Variants in CLDN16 observed in about 807,000 individuals in gnomAD.
The protein encoded by CLDN16 is claudin-16.
A neutral mutation model predicts 24.6 loss-of-function variants in CLDN16; 13 were observed. That is an observed-to-expected ratio of 0.53 (90% CI 0.34 to 0.84). The LOEUF is 0.84. CLDN16 is among the 40% of genes least tolerant of loss of function. The pLI, the probability that CLDN16 is intolerant of heterozygous loss-of-function variation, is 0.01. For missense variants in CLDN16, 298 were observed against 292.7 expected (o/e 1.02, Z -0.13); for synonymous variants, 116 against 106.7 (o/e 1.09, Z -0.54).
At position 190,410,693 on chromosome 3, in the gene CLDN16, C is replaced by A. The variant is rs987846768; in HGVS notation, c.*657C>A. The A allele has an allele frequency of 6.6e-6, 1 of 152,418 alleles. No individual in the cohort carries two copies. Among genetic ancestry groups the A allele is most frequent in the Non-Finnish European group, 1.5e-5 (1 of 68,316 alleles). 9.4% of individuals were successfully genotyped at this position (152,418 alleles called of 1,614,324 possible). ...GAGCTCGTGGTGACTTTCTACCTCA[C>A]TAACAACATAAGGGATCTCCATATT... On this transcript the variant is annotated 3_prime_UTR_variant, in exon 5 of 5. Transcript: ENST00000264734.
At chr3:190,402,076 A>C (rs542542114) in intron 1 of CLDN16, among the ~76,000 whole-genome samples, 3 of 152,114 alleles carry the variant, frequency 2.0e-5, no homozygotes, top group Non-Finnish European at 2.9e-5. Flanking sequence ...CTCTGGTTTT[A>C]TCTCTTCCAG....
chr3:190,380,583 T>A (rs930740598), intron 3 of CLDN16, among the ~76,000 whole-genome samples: 3 of 152,004 alleles, frequency 2.0e-5, no homozygotes. Context: ...CTAATTAAAC[T>A]AAAGGGCTTT....
At chr3:190,379,975 G>GTCTATTTATCTA (rs1553806905) in intron 3 of CLDN16, among the ~76,000 whole-genome samples, 27 of 149,104 alleles carry the variant, frequency 1.8e-4, no homozygotes, top group Admixed American at 7.4e-4. Flanking sequence ...TATCAACTCT[G>GTCTATTTATCTA]TCTATCTATC....
At chr3:190,324,883 T>C (rs1288027510) in intron 1 of CLDN16, among the ~76,000 whole-genome samples, 1 of 152,204 alleles carries the variant, frequency 6.6e-6, no homozygotes, top group Admixed American at 6.5e-5. Context: ...GCCTTTCATA[T>C]CTGAAACATA....
At chr3:190,324,690 T>C (rs1431682247) in intron 1 of CLDN16, among the ~76,000 whole-genome samples, 1 of 152,142 alleles carries the variant, frequency 6.6e-6, no homozygotes, top group African/African-American at 2.4e-5. Context: ...ATTACTTCAC[T>C]ACCCACAACC....
intron 1 of CLDN16, among the ~76,000 whole-genome samples, chr3:190,399,427 G>T (rs906540319): frequency 6.6e-6 from 1 of 152,068 alleles, no homozygotes; most frequent in Non-Finnish European, 1.5e-5. Flanking sequence ...CAGGAGAATC[G>T]CTTGAACCCA....
the CLDN16 span, among the ~76,000 whole-genome samples, chr3:190,299,685 T>C: frequency 2.0e-5 from 3 of 152,226 alleles, no homozygotes; most frequent in African/African-American, 7.2e-5. Flanking sequence ...GCATCCCTCA[T>C]TTCTCTGTTG....
At chr3:190,353,126 T>C (rs1196333107) in intron 1 of CLDN16, among the ~76,000 whole-genome samples, 1 of 152,074 alleles carries the variant, frequency 6.6e-6, no homozygotes, top group African/African-American at 2.4e-5. Context: ...ATCATGAGCA[T>C]TAATACAAAG....
chr3:190,331,695 T>C (rs1354565940), intron 1 of CLDN16, among the ~76,000 whole-genome samples: 5 of 152,214 alleles, frequency 3.3e-5, no homozygotes, highest in Non-Finnish European at 7.3e-5. Flanking sequence ...TTGAAATTTT[T>C]AAAATATCTC....
the CLDN16 span, among the ~76,000 whole-genome samples, chr3:190,303,754 A>G: frequency 2.0e-5 from 3 of 152,220 alleles, no homozygotes; most frequent in African/African-American, 7.2e-5. Flanking sequence ...AACAGTATTT[A>G]CTTTGTATTA....
chr3:190,312,520 C>A, the CLDN16 span, among the ~76,000 whole-genome samples: 2 of 152,218 alleles, frequency 1.3e-5, no homozygotes, highest in African/African-American at 4.8e-5. Context: ...TCTCACTACT[C>A]CCCATCTTTT....
the CLDN16 span, among the ~76,000 whole-genome samples, chr3:190,300,172 G>A: frequency 1.3e-5 from 2 of 151,256 alleles, no homozygotes; most frequent in Non-Finnish European, 2.9e-5. Context: ...CGTGGGGGCG[G>A]GCAGTTTGCT....
Position 190,362,010 on chromosome 3 carries a change from AGTCTAACCTG to A in CLDN16, n.122-8852_122-8843del, listed in dbSNP as rs144847568. Among the ~76,000 whole-genome samples, 112 of 149,956 alleles carry A rather than the reference AGTCTAACCTG, an allele frequency of 7.5e-4. 1 individual carries two copies. Among genetic ancestry groups the A allele is most frequent in the South Asian group, 2.1e-3 (10 of 4,668 alleles). On this transcript the variant is annotated intron_variant and non_coding_transcript_variant, in intron 1 of 4. Transcript: ENST00000468220. Reference sequence around the variant, plus strand: ...TACAAATGGCACACCTGGTCTAACCAGTCTAACCTGGTCTAACCTGGTCTAACCTGGTCTA... The same window carrying A: ...TACAAATGGCACACCTGGTCTAACCAGTCTAACCTGGTCTAACCTGGTCTA...
intron 1 of CLDN16, among the ~76,000 whole-genome samples, chr3:190,357,996 G>A (rs1411877039): frequency 1.3e-5 from 2 of 151,802 alleles, no homozygotes; most frequent in East Asian, 3.9e-4. Context: ...ATGGGAACTA[G>A]CACAGAGGTC....
At chr3:190,343,089 T>C (rs1717473562) in intron 1 of CLDN16, among the ~76,000 whole-genome samples, 1 of 152,142 alleles carries the variant, frequency 6.6e-6, no homozygotes, top group African/African-American at 2.4e-5. Flanking sequence ...AAAAGATTTA[T>C]AAAGATCTCA....
chr3:190,399,582 G>T (rs1426293984), intron 1 of CLDN16, among the ~76,000 whole-genome samples: 1 of 152,110 alleles, frequency 6.6e-6, no homozygotes, highest in African/African-American at 2.4e-5. Flanking sequence ...CTTAAATGGG[G>T]TACCTAGTGA....
chr3:190,396,497 T>A (rs544523113), intron 1 of CLDN16, among the ~76,000 whole-genome samples: 1 of 152,344 alleles, frequency 6.6e-6, no homozygotes, highest in East Asian at 1.9e-4. Context: ...TTTCTTATCC[T>A]CACTAAACAT....
chr3:190,322,025 T>G, upstream of CLDN16: 1 of 1,614,236 alleles, frequency 6.2e-7, no homozygotes, highest in Non-Finnish European at 8.5e-7. Context: ...GCACTGGATC[T>G]GCCCGGTGCT....
At chr3:190,308,656 A>G in the CLDN16 span, among the ~76,000 whole-genome samples, 1 of 152,214 alleles carries the variant, frequency 6.6e-6, no homozygotes, top group African/African-American at 2.4e-5. Context: ...AGGAAATAAC[A>G]CATGTAATAC....
Sources: allele counts gnomAD v4.1 joint callset (sites outside exome capture counted in the v4.1 genomes callset), GRCh38; gene constraint gnomAD v4.1.1; transcripts MANE v1.5; gene names NCBI Gene and HGNC (gene_info 2026-07-23, HGNC 2026-07-21).